The following NFKB1 variants were observed in gnomAD, a reference collection of about 807,000 sequenced individuals.
NFKB1 encodes the protein nuclear factor NF-kappa-B p105 subunit.
Under a neutral mutation model 105.1 loss-of-function variants are expected in NFKB1, and 9 were observed. The ratio of observed to expected loss-of-function variants is 0.09; its 90% CI spans 0.05 to 0.15. NFKB1 has a LOEUF of 0.15. NFKB1 is among the 10% of genes least tolerant of loss of function. The probability of loss-of-function intolerance (pLI) is 1.00; values close to 1 mark genes in which losing one functional copy is unlikely to be tolerated. For missense variants in NFKB1, 830 were observed against 1,203.7 expected (o/e 0.69, Z 4.59); for synonymous variants, 440 against 442.2 (o/e 1.00, Z 0.06).
intron 5 of NFKB1, among the ~76,000 whole-genome samples, chr4:102,546,700 A>G (rs1482391399): frequency 6.6e-6 from 1 of 152,188 alleles, no homozygotes. Flanking sequence ...GAGACAAAAG[A>G]TAAGGCCTTG....
At chr4:102,506,467 G>C (rs1443350139) in intron 1 of NFKB1, among the ~76,000 whole-genome samples, 1 of 152,038 alleles carries the variant, frequency 6.6e-6, no homozygotes, top group Non-Finnish European at 1.5e-5. Flanking sequence ...CAGTTAGCAG[G>C]GTTTACTGTA....
intron 5 of NFKB1, among the ~76,000 whole-genome samples, chr4:102,540,552 C>T (rs1741931931): frequency 8.7e-6 from 1 of 114,974 alleles, no homozygotes; most frequent in South Asian, 3.1e-4. Flanking sequence ...TTTTTATTCA[C>T]TAATTCAGTA....
chr4:102,544,785 G>C (rs575619446), intron 5 of NFKB1, among the ~76,000 whole-genome samples: 153 of 152,250 alleles, frequency 1.0e-3, no homozygotes, highest in Non-Finnish European at 1.7e-3. Flanking sequence ...ACAGATAATA[G>C]CTGGGAAGCT....
chr4:102,539,360 C>A (rs1358238180), intron 5 of NFKB1, among the ~76,000 whole-genome samples: 1 of 151,758 alleles, frequency 6.6e-6, no homozygotes, highest in Non-Finnish European at 1.5e-5. Context: ...TATCCTTATT[C>A]CCAAACAAAA....
intron 11 of NFKB1, among the ~76,000 whole-genome samples, chr4:102,590,919 G>A (rs1193609104): frequency 2.6e-5 from 4 of 152,196 alleles, no homozygotes; most frequent in Non-Finnish European, 5.9e-5. Flanking sequence ...AGTGGTCTGA[G>A]TAGAAGATTA....
Position 102,523,572 on chromosome 4 carries a change from C to T in NFKB1, c.-7-1940C>T, listed in dbSNP as rs573609573. On this transcript the variant is annotated intron_variant, in intron 1 of 23. Coordinates refer to ENST00000226574, the MANE Select transcript of NFKB1 (RefSeq NM_003998.4). The stretch of plus-strand genomic sequence containing the variant: ...GGGCTAAACTCTTTGAACAAAGAGA[C>T]CTGACAGTGCATTTGGGTTAAAGAA... 5.9e-5 allele frequency among the ~76,000 whole-genome samples: 9 copies of T among 152,254 alleles called. No individual in the cohort carries two copies. In the South Asian group the frequency reaches 1.7e-3, roughly 28 times the overall value.
At chr4:102,569,218 A>G (rs576056878) in intron 6 of NFKB1, among the ~76,000 whole-genome samples, 3 of 152,260 alleles carry the variant, frequency 2.0e-5, no homozygotes, top group Non-Finnish European at 2.9e-5. Context: ...TCGTGCTAGC[A>G]TTCTGGAAAC....
chr4:102,544,735 A>G (rs373974455), intron 5 of NFKB1, among the ~76,000 whole-genome samples: 14 of 152,324 alleles, frequency 9.2e-5, no homozygotes, highest in African/African-American at 3.1e-4. Context: ...AGTCACTATT[A>G]TAAAGTGGAG....
At chr4:102,596,078 G>A in intron 13 of NFKB1, 60 bp from the exon 14 acceptor site, 2 of 1,211,294 alleles carry the variant, frequency 1.7e-6, no homozygotes, top group Non-Finnish European at 2.3e-6. Flanking sequence ...CATTGGAATA[G>A]CGAATTATCA....
rs2149206434 is a variant in NFKB1 at position 102,596,153 on chromosome 4, A to G, written c.1316A>G (p.Glu439Gly). The change falls in exon 14 of 24, where the codon GAA becomes GGA. Residue 439 changes from glutamate to glycine, a missense_variant. By Grantham distance (98) the Glu-to-Gly change is moderately conservative (BLOSUM62 -2). Coordinates refer to ENST00000226574, the MANE Select transcript of NFKB1 (RefSeq NM_003998.4). Reference sequence around the variant, plus strand: ...TTTATCTTAGGAACCATGGACACTGAATCTAAAAAGGACCCTGAAGGTTGT... The same window carrying G: ...TTTATCTTAGGAACCATGGACACTGGATCTAAAAAGGACCCTGAAGGTTGT... The part of the protein sequence containing the change: ...AGMKHGTMDT[E>G]SKKDPEGCDK... The G allele has an allele frequency of 1.9e-6, 3 of 1,597,280 alleles. No homozygotes were observed. Among genetic ancestry groups the G allele is most frequent in the South Asian group, 2.2e-5 (2 of 89,040 alleles).
At chr4:102,551,094 T>C (rs1332862806) in intron 5 of NFKB1, among the ~76,000 whole-genome samples, 1 of 152,138 alleles carries the variant, frequency 6.6e-6, no homozygotes, top group Non-Finnish European at 1.5e-5. Flanking sequence ...ACCCAGAACA[T>C]TTCATTTGTA....
chr4:102,521,611 C>G (rs1257250744), intron 1 of NFKB1, among the ~76,000 whole-genome samples: 1 of 152,120 alleles, frequency 6.6e-6, no homozygotes. Context: ...GGGTCATGGT[C>G]AAAAGTGTGA....
At chr4:102,510,509 C>T (rs1739709508) in intron 1 of NFKB1, among the ~76,000 whole-genome samples, 2 of 152,160 alleles carry the variant, frequency 1.3e-5, no homozygotes, top group South Asian at 4.1e-4. Context: ...TTCAGATTTT[C>T]TTGCCATATC....
At chr4:102,543,270 G>A (rs945345986) in intron 5 of NFKB1, among the ~76,000 whole-genome samples, 50 of 152,136 alleles carry the variant, frequency 3.3e-4, no homozygotes, top group African/African-American at 1.1e-3. Flanking sequence ...CTCCTCTAGA[G>A]TGACCAGAAA....
At chr4:102,614,060 T>G (rs1453311808) in intron 23 of NFKB1, among the ~76,000 whole-genome samples, 1 of 152,134 alleles carries the variant, frequency 6.6e-6, no homozygotes, top group Non-Finnish European at 1.5e-5. Flanking sequence ...AATTTTATTC[T>G]CCCACTCTGT....
chr4:102,553,702 C>G (rs1462108413), intron 5 of NFKB1, among the ~76,000 whole-genome samples: 2 of 152,158 alleles, frequency 1.3e-5, no homozygotes, highest in Non-Finnish European at 2.9e-5. Context: ...GACATATCCT[C>G]AGAACACACA....
intron 9 of NFKB1, 54 bp downstream of exon 9, chr4:102,580,693 A>T: frequency 7.4e-7 from 1 of 1,351,156 alleles, no homozygotes. Flanking sequence ...GACACACTAC[A>T]GTTCTGAGTG....
chr4:102,601,868 C>T (rs1262845216), intron 16 of NFKB1, among the ~76,000 whole-genome samples: 30 of 152,172 alleles, frequency 2.0e-4, no homozygotes, highest in Admixed American at 2.0e-3. Flanking sequence ...CTTTTCCCAC[C>T]TCACTGTCTT....
At chr4:102,588,141 A>G (rs1450319322) in intron 11 of NFKB1, among the ~76,000 whole-genome samples, 1 of 152,220 alleles carries the variant, frequency 6.6e-6, no homozygotes. Flanking sequence ...CTAGAACAGT[A>G]TAAGTTGCAT....
Sources: allele counts gnomAD v4.1 joint callset (sites outside exome capture counted in the v4.1 genomes callset), GRCh38; gene constraint gnomAD v4.1.1; transcripts MANE v1.5; gene names NCBI Gene and HGNC (gene_info 2026-07-23, HGNC 2026-07-21).